The following GLCCI1 variants were observed in gnomAD, a reference collection of about 807,000 sequenced individuals.
The protein encoded by GLCCI1 is glucocorticoid-induced transcript 1 protein.
GLCCI1 carries 24 observed loss-of-function variants against 52.2 expected under a neutral mutation model. The observed-to-expected ratio is 0.46, with a 90% CI of 0.33 to 0.65. The LOEUF (loss-of-function observed/expected upper bound fraction) is 0.65. GLCCI1 is among the 30% of genes least tolerant of loss of function. The pLI is 0.02. For missense variants in GLCCI1, 704 were observed against 701.5 expected (o/e 1.00, Z -0.04); for synonymous variants, 310 against 276.5 (o/e 1.12, Z -1.20).
chr7:8,055,553 G>A lies in GLCCI1; in HGVS notation c.813+4G>A. On this transcript the variant is annotated splice_donor_region_variant and intron_variant, in intron 4 of 7. Transcript: ENST00000223145. ...TATAACAATCAGTCACACTCAGGTA[G>A]GCTAACTTCTTGTCCAGATTTGAAT... 1.1e-5 allele frequency: 17 copies of A among 1,514,152 alleles called. No individual in the cohort carries two copies. Among genetic ancestry groups the A allele is most frequent in the Non-Finnish European group, 1.6e-5 (17 of 1,089,578 alleles). The allele number at this position is 1,514,152 out of a possible 1,614,324, so 93.8% of individuals were successfully genotyped here.
chr7:8,058,649 A>G (rs1165047627), intron 4 of GLCCI1, among the ~76,000 whole-genome samples: 1 of 152,242 alleles, frequency 6.6e-6, no homozygotes, highest in Admixed American at 6.5e-5. Context: ...AAATCATGAT[A>G]GGTTAAGTAT....
chr7:8,028,541 C>G (rs888755017), intron 3 of GLCCI1, among the ~76,000 whole-genome samples: 20 of 151,950 alleles, frequency 1.3e-4, no homozygotes, highest in African/African-American at 4.1e-4. Context: ...CCTAACAATG[C>G]ATCTTAAAAA....
intron 6 of GLCCI1, among the ~76,000 whole-genome samples, chr7:8,076,242 A>T (rs972136811): frequency 8.5e-5 from 13 of 152,152 alleles, no homozygotes; most frequent in African/African-American, 2.9e-4. Flanking sequence ...TATGATGGGT[A>T]TACTACTTAG....
rs940280993 is a variant in GLCCI1, at chr7:8,088,461, T to A, written c.*1923T>A. On this transcript the variant is annotated 3_prime_UTR_variant, in exon 8 of 8. Coordinates refer to ENST00000223145, the MANE Select transcript of GLCCI1 (RefSeq NM_138426.4). Reference sequence around the variant, plus strand: ...AGGGGAACCTTTTAAAACAATCTTTTCAGCAGCAGATACCTTTAACCCTAA... The same window carrying A: ...AGGGGAACCTTTTAAAACAATCTTTACAGCAGCAGATACCTTTAACCCTAA... 6.6e-6 allele frequency: 1 copy of A among 152,596 alleles called. No homozygotes were observed. The highest frequency in any genetic ancestry group is 2.4e-5 in the African/African-American group (1 of 41,436). The allele number at this position is 152,596 out of a possible 1,614,324, so 9.5% of individuals were successfully genotyped here.
intron 5 of GLCCI1, among the ~76,000 whole-genome samples, chr7:8,064,874 AT>A (rs1782597094): frequency 6.6e-6 from 1 of 151,628 alleles, no homozygotes; most frequent in Non-Finnish European, 1.5e-5. Flanking sequence ...TGCCCAGCGA[AT>A]TTTTTGGTTT....
intron 4 of GLCCI1, among the ~76,000 whole-genome samples, chr7:8,059,035 T>A (rs183841622): frequency 2.4e-4 from 37 of 152,240 alleles, no homozygotes; most frequent in Non-Finnish European, 3.8e-4. Context: ...TCCTCCCCAT[T>A]GTGTTCACTT....
Position 8,087,641 on chromosome 7 carries a change from A to T in GLCCI1, c.*1103A>T, listed in dbSNP as rs1045460539. On this transcript the variant is annotated 3_prime_UTR_variant, in exon 8 of 8. Transcript: ENST00000223145. ...TTTATTTTGCAGGTGAAAAAGTGAC[A>T]TACTTTTTGTTATTGTCTTCCTCAA... The T allele has an allele frequency of 6.6e-6, 1 of 152,562 alleles. No homozygotes were observed. Among genetic ancestry groups the T allele is most frequent in the Non-Finnish European group, 1.5e-5 (1 of 68,024 alleles). 9.5% of individuals were successfully genotyped at this position (152,562 alleles called of 1,614,324 possible). A position where few individuals can be genotyped will look rare whatever the true frequency, so the allele number is the denominator to read the frequency against.
chr7:8,023,294 C>T (rs183315966), intron 3 of GLCCI1, among the ~76,000 whole-genome samples: 28 of 152,256 alleles, frequency 1.8e-4, no homozygotes, highest in African/African-American at 3.1e-4. Flanking sequence ...GAATTACAGG[C>T]GTGATCTAAT....
chr7:8,079,763 A>G (rs554630928), intron 6 of GLCCI1, among the ~76,000 whole-genome samples: 1 of 151,638 alleles, frequency 6.6e-6, no homozygotes, highest in Admixed American at 6.5e-5. Context: ...CCTCCTACAT[A>G]TAATAAATAT....
intron 3 of GLCCI1, among the ~76,000 whole-genome samples, chr7:8,044,698 ACTCT>A (rs1169432858): frequency 2.6e-5 from 4 of 152,100 alleles, no homozygotes; most frequent in Non-Finnish European, 5.9e-5. Flanking sequence ...TCACATGTAT[ACTCT>A]CTCTATCAGA....
chr7:8,018,376 A>C (rs892397933), intron 2 of GLCCI1, among the ~76,000 whole-genome samples: 1 of 152,202 alleles, frequency 6.6e-6, no homozygotes, highest in African/African-American at 2.4e-5. Context: ...TGATAAAACT[A>C]AAAAGCATAT....
In GLCCI1 at chr7:8,043,271, G is replaced by T. The variant is rs1388284327; in HGVS notation, c.697-12162G>T. ...ATTGCTATATTTTTTATTTCTTGTGGTGGTCTGGAATCAAACCTGCAATAT... is the reference window on the plus strand; with the variant it reads ...ATTGCTATATTTTTTATTTCTTGTGTTGGTCTGGAATCAAACCTGCAATAT... On this transcript the variant is annotated intron_variant, in intron 3 of 7. Coordinates refer to ENST00000223145, the MANE Select transcript of GLCCI1 (RefSeq NM_138426.4). 4.6e-5 allele frequency among the ~76,000 whole-genome samples: 7 copies of T among 151,854 alleles called. No individual in the cohort carries two copies. In the East Asian group the frequency reaches 1.4e-3, roughly 29 times the overall value.
chr7:7,981,402 A>C (rs1485569949), intron 1 of GLCCI1, among the ~76,000 whole-genome samples: 1 of 151,920 alleles, frequency 6.6e-6, no homozygotes, highest in East Asian at 1.9e-4. Flanking sequence ...GGCTCACTGC[A>C]GCCTCTGCCT....
At position 8,001,226 on chromosome 7, in the gene GLCCI1, C is replaced by T. The variant is rs138189243; in HGVS notation, c.458-2682C>T. ...GCTTCCTTCAGGAGCTCTTGTAAGG[C>T]AGGCCTGGTGGTGACAACATCTCTC... On this transcript the variant is annotated intron_variant, in intron 1 of 7. Transcript: ENST00000223145. 8.6e-3 allele frequency among the ~76,000 whole-genome samples: 1,307 copies of T among 152,300 alleles called. 20 individuals are homozygous for T. The highest frequency in any genetic ancestry group is 0.029 in the African/African-American group (1,221 of 41,558).
At chr7:7,986,940 T>C (rs1780747759) in intron 1 of GLCCI1, among the ~76,000 whole-genome samples, 1 of 152,230 alleles carries the variant, frequency 6.6e-6, no homozygotes, top group Non-Finnish European at 1.5e-5. Context: ...TGGGGTTTTT[T>C]TGCATTCTTT....
chr7:8,082,279 T>C (rs1163336516), intron 6 of GLCCI1, among the ~76,000 whole-genome samples: 1 of 152,200 alleles, frequency 6.6e-6, no homozygotes, highest in Non-Finnish European at 1.5e-5. Flanking sequence ...AGAAAAAATA[T>C]ATATGTAAAA....
At chr7:7,977,124 C>T (rs35425218) in intron 1 of GLCCI1, among the ~76,000 whole-genome samples, 16,771 of 152,134 alleles carry the variant, frequency 0.11, 1,226 homozygotes, top group African/African-American at 0.2. Context: ...TTAACTTTTA[C>T]ATTACTAAAA....
chr7:8,050,112 C>T (rs1391417767), intron 3 of GLCCI1, among the ~76,000 whole-genome samples: 1 of 151,924 alleles, frequency 6.6e-6, no homozygotes, highest in African/African-American at 2.4e-5. Flanking sequence ...CTGTCTATTC[C>T]GGGATCAGTG....
intron 3 of GLCCI1, among the ~76,000 whole-genome samples, chr7:8,045,488 CG>C (rs1323719107): frequency 1.3e-5 from 2 of 152,198 alleles, no homozygotes; most frequent in East Asian, 3.9e-4. Context: ...GTAATCTTCA[CG>C]GGAAAGAGAA....
Sources: gnomAD v4.1 joint callset for allele counts (sites outside exome capture counted in the v4.1 genomes callset) on GRCh38, gnomAD v4.1.1 for gene constraint, MANE v1.5 for transcripts, NCBI Gene and HGNC (gene_info 2026-07-23, HGNC 2026-07-21) for gene names.